Variants in EPB41L4A observed in about 807,000 individuals in gnomAD.
The protein encoded by EPB41L4A is band 4.1-like protein 4A.
Under a neutral mutation model 108.6 loss-of-function variants are expected in EPB41L4A, and 100 were observed. The ratio of observed to expected loss-of-function variants is 0.92; its 90% CI spans 0.78 to 1.09. The LOEUF (loss-of-function observed/expected upper bound fraction) is 1.09. EPB41L4A is among the 50% of genes least tolerant of loss of function. The pLI is 0.00. For synonymous variants in EPB41L4A, 319 were observed against 289.0 expected, an observed-to-expected ratio of 1.10 and a Z score of -1.05; for missense variants, 1,030 against 842.7, an observed-to-expected ratio of 1.22 and a Z score of -2.75.
intron 1 of EPB41L4A, among the ~76,000 whole-genome samples, chr5:112,350,648 C>T (rs1338802947): frequency 1.3e-5 from 2 of 152,182 alleles, no homozygotes; most frequent in Non-Finnish European, 2.9e-5. Flanking sequence ...ATACACCATA[C>T]TGGGCCTCCA....
intron 14 of EPB41L4A, 87 bp downstream of exon 14, chr5:112,205,334 C>T (rs529833879): frequency 8.8e-7 from 1 of 1,132,158 alleles, no homozygotes; most frequent in African/African-American, 1.5e-5. Flanking sequence ...GATCAGCCAC[C>T]CAGCAGCTGG....
intron 2 of EPB41L4A, among the ~76,000 whole-genome samples, chr5:112,282,615 A>G (rs1298409539): frequency 6.6e-6 from 1 of 152,200 alleles, no homozygotes; most frequent in Non-Finnish European, 1.5e-5. Flanking sequence ...AGAGCACAGT[A>G]AGGGAGAGGG....
intron 13 of EPB41L4A, among the ~76,000 whole-genome samples, chr5:112,208,660 C>T (rs1391989045): frequency 6.6e-6 from 1 of 152,164 alleles, no homozygotes; most frequent in African/African-American, 2.4e-5. Context: ...ATACACCAAA[C>T]CTCAGTGATA....
intron 1 of EPB41L4A, among the ~76,000 whole-genome samples, chr5:112,390,207 G>A (rs901301927): frequency 2.0e-5 from 3 of 152,176 alleles, no homozygotes; most frequent in African/African-American, 7.2e-5. Flanking sequence ...GACAGTGGGT[G>A]CAGCCCACAG....
chr5:112,360,280 A>C (rs1025883641), intron 1 of EPB41L4A, among the ~76,000 whole-genome samples: 2 of 151,670 alleles, frequency 1.3e-5, no homozygotes, highest in Admixed American at 1.3e-4. Flanking sequence ...CTGACCCTCG[A>C]CCCTCTCCCC....
At chr5:112,360,983 A>C (rs2112477272) in intron 1 of EPB41L4A, among the ~76,000 whole-genome samples, 1 of 152,276 alleles carries the variant, frequency 6.6e-6, no homozygotes, top group South Asian at 2.1e-4. Flanking sequence ...AGAAGTGAGG[A>C]GCCCCTCCGC....
chr5:112,417,754 G>C (rs952699977), intron 1 of EPB41L4A, among the ~76,000 whole-genome samples: 1 of 152,096 alleles, frequency 6.6e-6, no homozygotes, highest in Admixed American at 6.5e-5. Flanking sequence ...ACCTCCTAAA[G>C]GAAAGGGTTA....
chr5:112,233,759 G>GT (rs1450964073), intron 12 of EPB41L4A, among the ~76,000 whole-genome samples: 1 of 151,950 alleles, frequency 6.6e-6, no homozygotes, highest in East Asian at 1.9e-4. Flanking sequence ...CTTGCTAAGA[G>GT]TTTTTTCAAT....
intron 2 of EPB41L4A, among the ~76,000 whole-genome samples, chr5:112,294,469 G>A (rs1753863629): frequency 6.6e-6 from 1 of 152,066 alleles, no homozygotes; most frequent in Admixed American, 6.6e-5. Context: ...CCGATCAAAT[G>A]GTATTATTCA....
chr5:112,147,640 G>GA (rs562034345), intron 12 of EPB41L4A, among the ~76,000 whole-genome samples: 9,232 of 65,608 alleles, frequency 0.14, 764 homozygotes, highest in African/African-American at 0.33. Flanking sequence ...TCTGTCTCAA[G>GA]AAAAAAAAAA....
intron 1 of EPB41L4A, among the ~76,000 whole-genome samples, chr5:112,346,216 A>ATATTTTTTTT (rs1757661481): frequency 1.5e-5 from 1 of 67,294 alleles, no homozygotes; most frequent in Non-Finnish European, 3.1e-5. Context: ...GGTACATTGC[A>ATATTTTTTTT]TTTTTTTTTT....
intron 1 of EPB41L4A, among the ~76,000 whole-genome samples, chr5:112,348,495 T>C (rs1009696543): frequency 6.6e-6 from 1 of 152,174 alleles, no homozygotes; most frequent in Non-Finnish European, 1.5e-5. Context: ...ATTCTGAATG[T>C]TTCTAGTTGC....
chr5:112,416,279 C>A (rs1349771682), intron 1 of EPB41L4A, among the ~76,000 whole-genome samples: 1 of 152,092 alleles, frequency 6.6e-6, no homozygotes, highest in Non-Finnish European at 1.5e-5. Context: ...TCTCATATTT[C>A]TTCCACCTTA....
chr5:112,304,939 T>A (rs1403854794), intron 2 of EPB41L4A, among the ~76,000 whole-genome samples: 14 of 152,162 alleles, frequency 9.2e-5, no homozygotes, highest in Admixed American at 9.2e-4. Context: ...AGCTATCCAT[T>A]CCACCAGATC....
intron 1 of EPB41L4A, among the ~76,000 whole-genome samples, chr5:112,350,390 G>A (rs1480160710): frequency 6.6e-6 from 1 of 152,152 alleles, no homozygotes. Context: ...GGGGACATGT[G>A]CTATTTTGCA....
chr5:112,348,762 CA>C (rs1201665622), intron 1 of EPB41L4A, among the ~76,000 whole-genome samples: 1 of 152,142 alleles, frequency 6.6e-6, no homozygotes, highest in Non-Finnish European at 1.5e-5. Context: ...ATGTGCAAAT[CA>C]AAACTGTGTT....
rs979921175 is a variant in EPB41L4A, at chr5:112,164,638, AG to A, written c.*351del. On this transcript the variant is annotated 3_prime_UTR_variant, in exon 23 of 23. Coordinates refer to ENST00000261486, the MANE Select transcript of EPB41L4A (RefSeq NM_022140.5). Reference sequence around the variant, plus strand: ...CACTTGAGGTCAGGAGTTCGAGACCAGCCTCCAACATGGCAAAGCCCTGTCT... The same window carrying A: ...CACTTGAGGTCAGGAGTTCGAGACCACCTCCAACATGGCAAAGCCCTGTCT... 12 of 156,976 alleles carry A rather than the reference AG, an allele frequency of 7.6e-5. No homozygotes were observed. Among genetic ancestry groups the A allele is most frequent in the African/African-American group, 1.4e-4 (6 of 41,528 alleles). 9.7% of individuals were successfully genotyped at this position (156,976 alleles called of 1,614,324 possible).
At position 112,262,487 on chromosome 5, in the gene EPB41L4A, TACTC is replaced by T; in HGVS notation, c.642+3_642+6del. ...AAAATATTTTGTGTTAATTAAATGT[TACTC>T]ACATAGACGGGATGGAGGTCAACGC... On this transcript the variant is annotated splice_donor_5th_base_variant and intron_variant, in intron 7 of 22. Transcript: ENST00000261486. The T allele has an allele frequency of 6.2e-7, 1 of 1,610,008 alleles. No individual in the cohort carries two copies. Among genetic ancestry groups the T allele is most frequent in the Non-Finnish European group, 8.5e-7 (1 of 1,176,960 alleles).
chr5:112,324,758 A>C (rs1179311259), intron 1 of EPB41L4A, among the ~76,000 whole-genome samples: 1 of 151,870 alleles, frequency 6.6e-6, no homozygotes, highest in East Asian at 1.9e-4. Flanking sequence ...AGTATGACTC[A>C]AAGATGTCAC....
Sources: gnomAD v4.1 joint callset for allele counts (sites outside exome capture counted in the v4.1 genomes callset) on GRCh38, gnomAD v4.1.1 for gene constraint, MANE v1.5 for transcripts, NCBI Gene and HGNC (gene_info 2026-07-23, HGNC 2026-07-21) for gene names.